The following CUL4B variants were observed in gnomAD, a reference collection of about 807,000 sequenced individuals.
CUL4B encodes the protein cullin-4B.
CUL4B carries 1 observed loss-of-function variant against 69.2 expected under a neutral mutation model. The ratio of observed to expected loss-of-function variants is 0.01; its 90% CI spans 0.01 to 0.07. The LOEUF is 0.07. Ranked by LOEUF, CUL4B falls within the 10% of genes least tolerant of loss-of-function variation. The pLI is 1.00. For missense variants in CUL4B, 328 were observed against 638.8 expected, an observed-to-expected ratio of 0.51 and a Z score of 5.24; for synonymous variants, 237 against 223.2, an observed-to-expected ratio of 1.06 and a Z score of -0.55.
Position 120,543,313 on chromosome X carries a change from G to T in CUL4B, c.1257-280C>A, listed in dbSNP as rs138604687. Among the ~76,000 whole-genome samples, 69 of 111,309 alleles carry T rather than the reference G, an allele frequency of 6.2e-4. 1 individual carries two copies. Among genetic ancestry groups the T allele is most frequent in the African/African-American group, 2.2e-3 (66 of 30,684 alleles). The stretch of plus-strand genomic sequence containing the variant: ...TATCTCCAAGACCTTGCTGTAGTCG[G>T]CTTTTTCCAAGTTTTGCTACTTTTA... On this transcript the variant is annotated intron_variant, in intron 8 of 19. Transcript: ENST00000371322.
chrX:120,572,772 G>C (rs1925753061), intron 2 of CUL4B, among the ~76,000 whole-genome samples: 1 of 110,807 alleles, frequency 9.0e-6, no homozygotes, highest in African/African-American at 3.3e-5. Flanking sequence ...ATTTTTAAGG[G>C]CAACATAGTA....
intron 10 of CUL4B, among the ~76,000 whole-genome samples, chrX:120,541,270 C>CG (rs369062636): frequency 8.9e-6 from 1 of 112,091 alleles, no homozygotes; most frequent in African/African-American, 3.2e-5. Flanking sequence ...GAGGCCAAGG[C>CG]GGGTGGATCA....
intron 14 of CUL4B, 51 bp downstream of exon 14, chrX:120,538,073 A>G (rs756655536): frequency 1.2e-6 from 1 of 843,475 alleles, no homozygotes; most frequent in South Asian, 2.1e-5. Flanking sequence ...TAGCAAGCAG[A>G]TAACTAAATA....
downstream of CUL4B, among the ~76,000 whole-genome samples, chrX:120,567,942 GAAGT>G (rs1419458529): frequency 1.8e-5 from 2 of 111,027 alleles, no homozygotes; most frequent in Non-Finnish European, 3.8e-5. Flanking sequence ...AGTTGTAGAT[GAAGT>G]AAGTATGTCT....
Position 120,539,287 on chromosome X carries a change from G to A in CUL4B, c.1722C>T (p.Ile574=), listed in dbSNP as rs142211300. ...ELEKMLDKIM[I]IFRFIYGKDV... ...ACTTACCATAGATAAATCTAAATAT[G>A]ATCATAATTTTATCCAACATTTTCT... The change falls in exon 12 of 20, where the codon ATC becomes ATT. Residue 574 remains isoleucine (I), a synonymous_variant. Coordinates refer to ENST00000371322, the MANE Select transcript of CUL4B (RefSeq NM_001079872.2). 86 of 1,155,743 alleles carry A rather than the reference G, an allele frequency of 7.4e-5. No individual in the cohort carries two copies. Among genetic ancestry groups the A allele is most frequent in the Non-Finnish European group, 1.0e-4 (85 of 850,832 alleles).
At chrX:120,536,856 TTAAATGACAAGC>T (rs1923704366) in intron 15 of CUL4B, 59 bp downstream of exon 15, 5 of 793,021 alleles carry the variant, frequency 6.3e-6, no homozygotes, top group Non-Finnish European at 9.6e-6. Context: ...GTATCTATTT[TTAAATGACAAGC>T]AAAATGGAAA....
At chrX:120,538,850 C>T (rs996304926) in intron 12 of CUL4B, 80 bp from the exon 13 acceptor site, 8 of 599,231 alleles carry the variant, frequency 1.3e-5, no homozygotes, top group Non-Finnish European at 2.2e-5. Context: ...TTTAATAAAG[C>T]ACACCATTAT....
At chrX:120,555,119 C>T (rs1924886781) in intron 2 of CUL4B, among the ~76,000 whole-genome samples, 1 of 111,994 alleles carries the variant, frequency 8.9e-6, no homozygotes, top group South Asian at 3.6e-4. Flanking sequence ...TGCAACTGAA[C>T]AACAGCAGGT....
At chrX:120,529,744 G>A (rs1480480435) in intron 19 of CUL4B, among the ~76,000 whole-genome samples, 1 of 111,213 alleles carries the variant, frequency 9.0e-6, no homozygotes, top group Admixed American at 9.6e-5. Flanking sequence ...AACTAAATCT[G>A]TCAAATACCA....
chrX:120,550,585 C>T (rs1381674553), intron 2 of CUL4B, among the ~76,000 whole-genome samples: 2 of 111,576 alleles, frequency 1.8e-5, no homozygotes, highest in Middle Eastern at 4.2e-3. Flanking sequence ...AGTGAGAAAT[C>T]GAGAATTAAG....
chrX:120,562,233 C>T (rs1204558275), upstream of CUL4B, among the ~76,000 whole-genome samples: 1 of 112,061 alleles, frequency 8.9e-6, no homozygotes, highest in African/African-American at 3.2e-5. Context: ...AGAACCATAT[C>T]GGCAAAAGTC....
chrX:120,536,374 G>A (rs1285691091), intron 15 of CUL4B, among the ~76,000 whole-genome samples: 1 of 112,470 alleles, frequency 8.9e-6, no homozygotes, highest in Non-Finnish European at 1.9e-5. Flanking sequence ...CATCTCCATG[G>A]AGGATTCTCA....
upstream of CUL4B, chrX:120,561,324 T>A (rs1925295459): frequency 1.8e-6 from 1 of 554,893 alleles, no homozygotes; most frequent in African/African-American, 2.3e-5. Context: ...GAACTCCCAC[T>A]CCCTCCTTAA....
At chrX:120,540,714 G>A (rs1214098497) in intron 10 of CUL4B, 152 bp from the exon 11 acceptor site, 1 of 473,196 alleles carries the variant, frequency 2.1e-6, no homozygotes, top group Non-Finnish European at 3.5e-6. Flanking sequence ...TGTTGCCCAG[G>A]CTAGTCTGAA....
intron 2 of CUL4B, among the ~76,000 whole-genome samples, chrX:120,556,231 C>G (rs1924956106): frequency 9.0e-6 from 1 of 111,560 alleles, no homozygotes; most frequent in South Asian, 3.7e-4. Context: ...CAACTACTAG[C>G]CGACATTTGC....
intron 2 of CUL4B, among the ~76,000 whole-genome samples, chrX:120,572,938 A>T (rs1473627262): frequency 9.0e-6 from 1 of 111,292 alleles, no homozygotes; most frequent in Non-Finnish European, 1.9e-5. Context: ...CATACTATTT[A>T]CATTCTATTA....
rs141209231 is a variant in CUL4B, at chrX:120,572,333, C to T, written c.68-333G>A. On this transcript the variant is annotated intron_variant, in intron 2 of 2. Coordinates refer to the CUL4B transcript ENST00000486604. ...ATATAAAATTAGCCGGGTGTGGTGGCGCATGCCTATAATCCCAGCTACTTG... is the reference window on the plus strand; with the variant it reads ...ATATAAAATTAGCCGGGTGTGGTGGTGCATGCCTATAATCCCAGCTACTTG... Among the ~76,000 whole-genome samples, 257 of 108,310 alleles carry T rather than the reference C, an allele frequency of 2.4e-3. 1 individual carries two copies. The highest frequency in any genetic ancestry group is 8.1e-3 in the African/African-American group (240 of 29,718). 94.1% of individuals were successfully genotyped at this position (108,310 alleles called of 115,157 possible).
upstream of CUL4B, among the ~76,000 whole-genome samples, chrX:120,566,186 G>A (rs1166841720): frequency 9.4e-6 from 1 of 105,836 alleles, no homozygotes; most frequent in Non-Finnish European, 1.9e-5. Flanking sequence ...GGAGGCCAAA[G>A]CTCAAGCAAA....
chrX:120,558,560 A>G (rs961303538), intron 1 of CUL4B, among the ~76,000 whole-genome samples: 1 of 112,051 alleles, frequency 8.9e-6, no homozygotes, highest in Non-Finnish European at 1.9e-5. Flanking sequence ...ATTCTAATTC[A>G]GGTCTGTTTG....
Sources: gnomAD v4.1 joint callset for allele counts (sites outside exome capture counted in the v4.1 genomes callset) on GRCh38, gnomAD v4.1.1 for gene constraint, MANE v1.5 for transcripts, NCBI Gene and HGNC (gene_info 2026-07-23, HGNC 2026-07-21) for gene names.